EBF2: variants seen among roughly 807,000 people sequenced by gnomAD.
EBF2 encodes EBF transcription factor 2.
Under a neutral mutation model 72.8 loss-of-function variants are expected in EBF2, and 21 were observed. That is an observed-to-expected ratio of 0.29 (90% CI 0.20 to 0.42). EBF2 has a LOEUF of 0.42. Ranked by LOEUF, EBF2 falls within the 10% of genes least tolerant of loss-of-function variation. The pLI is 1.00. For synonymous variants in EBF2, 299 were observed against 274.2 expected, an observed-to-expected ratio of 1.09 and a Z score of -0.89; for missense variants, 637 against 731.2, an observed-to-expected ratio of 0.87 and a Z score of 1.49.
At chr8:26,041,116 G>A (rs1805592698) in intron 2 of EBF2, 114 bp from the exon 3 acceptor site, 2 of 1,228,828 alleles carry the variant, frequency 1.6e-6, no homozygotes, top group Admixed American at 4.0e-5. Flanking sequence ...AGGCAGCTTT[G>A]AGTAACCCCC....
intron 3 of EBF2, 46 bp from the exon 4 acceptor site, chr8:26,040,717 C>A: frequency 1.3e-6 from 2 of 1,547,490 alleles, no homozygotes; most frequent in Non-Finnish European, 1.7e-6. Flanking sequence ...AGAGCCCCTT[C>A]CGGGCACCCC....
chr8:25,885,729 A>G (rs9314311), intron 10 of EBF2, among the ~76,000 whole-genome samples: 73,415 of 152,028 alleles, frequency 0.48, 21,967 homozygotes, highest in African/African-American at 0.84. Context: ...CTCGTCTGTC[A>G]CCATGTAAGA....
At chr8:25,916,033 T>G (rs940674581) in intron 6 of EBF2, among the ~76,000 whole-genome samples, 2 of 151,932 alleles carry the variant, frequency 1.3e-5, no homozygotes, top group African/African-American at 4.8e-5. Flanking sequence ...ACATCTGTAA[T>G]CCTAGCACTT....
At chr8:25,897,175 G>T (rs17054546) in intron 7 of EBF2, among the ~76,000 whole-genome samples, 11,494 of 151,942 alleles carry the variant, frequency 0.076, 1,099 homozygotes, top group African/African-American at 0.22. Context: ...AAGGGACTGG[G>T]CATCAATGGC....
At chr8:25,847,214 G>A (rs1334523455) in intron 15 of EBF2, among the ~76,000 whole-genome samples, 1 of 152,138 alleles carries the variant, frequency 6.6e-6, no homozygotes, top group African/African-American at 2.4e-5. Flanking sequence ...AGTGTGGGCA[G>A]CATATGCCTT....
chr8:26,001,801 G>A (rs955638273), intron 6 of EBF2, among the ~76,000 whole-genome samples: 3 of 151,886 alleles, frequency 2.0e-5, no homozygotes, highest in East Asian at 1.9e-4. Flanking sequence ...TGCCCGCCTC[G>A]GCCTCCCAAA....
At chr8:25,985,311 C>T (rs1394229502) in intron 6 of EBF2, among the ~76,000 whole-genome samples, 1 of 152,182 alleles carries the variant, frequency 6.6e-6, no homozygotes, top group East Asian at 1.9e-4. Context: ...AGTGCCACAG[C>T]AGATTTCCTT....
At chr8:25,883,952 T>C (rs1802645690) in intron 10 of EBF2, among the ~76,000 whole-genome samples, 1 of 152,106 alleles carries the variant, frequency 6.6e-6, no homozygotes, top group Admixed American at 6.5e-5. Context: ...GTTCCTCCTG[T>C]CATCTTTAAT....
intron 6 of EBF2, among the ~76,000 whole-genome samples, chr8:25,977,884 C>G (rs947241546): frequency 6.6e-6 from 1 of 152,192 alleles, no homozygotes; most frequent in African/African-American, 2.4e-5. Context: ...TCTGTGATGC[C>G]CACAGAAGGG....
At position 26,030,430 on chromosome 8, in the gene EBF2, T is replaced by A. The variant is rs546774793; in HGVS notation, c.551+2655A>T. Among the ~76,000 whole-genome samples the A allele has an allele frequency of 1.6e-3, 181 of 116,366 alleles. 1 individual carries two copies. The highest frequency in any genetic ancestry group is 5.8e-3 in the African/African-American group (176 of 30,482). 76.3% of individuals were successfully genotyped at this position (116,366 alleles called of 152,430 possible). A position where few individuals can be genotyped will look rare whatever the true frequency, so the allele number is the denominator to read the frequency against. ...TCACACACCGGGGACTGTTGTGGGG[T>A]GGGGGAAGGGGGGAGGGAGAGCATT... On this transcript the variant is annotated intron_variant, in intron 6 of 15. Transcript: ENST00000520164.
At chr8:25,884,032 C>T (rs577310362) in intron 10 of EBF2, among the ~76,000 whole-genome samples, 1 of 152,252 alleles carries the variant, frequency 6.6e-6, no homozygotes, top group South Asian at 2.1e-4. Flanking sequence ...CTCCTCTGGT[C>T]CTGTGGCTTT....
rs766709308 is a variant in EBF2, at chr8:25,861,011, T to G, written c.1342+38A>C. ...TCCACTCCAGCAGAACTTTTTAAAT[T>G]AGACATATTTGGATTTTGACTCTAA... On this transcript the variant is annotated intron_variant, in intron 13 of 15. Coordinates refer to ENST00000520164, the MANE Select transcript of EBF2 (RefSeq NM_022659.4). The G allele has an allele frequency of 1.4e-5, 22 of 1,613,376 alleles. No individual in the cohort carries two copies. In the South Asian group the frequency reaches 1.9e-4, roughly 14 times the overall value.
rs1802143268 is a variant in EBF2, at chr8:25,858,517, G to A, written c.1343-13C>T. On this transcript the variant is annotated splice_polypyrimidine_tract_variant and intron_variant, in intron 13 of 15. Transcript: ENST00000520164. ...TTGCGGATGTACCCTTGGCAACAAA[G>A]AAAAAGCCCAGGTAAATCAACAGGC... 1 of 1,610,510 alleles carries A rather than the reference G, an allele frequency of 6.2e-7. No individual in the cohort carries two copies. Among genetic ancestry groups the A allele is most frequent in the Non-Finnish European group, 8.5e-7 (1 of 1,178,894 alleles).
chr8:25,987,924 T>C (rs1049399582), intron 6 of EBF2, among the ~76,000 whole-genome samples: 3 of 152,120 alleles, frequency 2.0e-5, no homozygotes, highest in African/African-American at 7.2e-5. Context: ...TTGTCATGTC[T>C]TGAGGAGATC....
At chr8:25,865,252 C>G (rs1385607657) in intron 10 of EBF2, among the ~76,000 whole-genome samples, 1 of 152,204 alleles carries the variant, frequency 6.6e-6, no homozygotes, top group African/African-American at 2.4e-5. Flanking sequence ...CCTCAGTAAA[C>G]TGTGCTGCTC....
intron 6 of EBF2, among the ~76,000 whole-genome samples, chr8:25,914,431 G>T (rs943209373): frequency 6.6e-6 from 1 of 152,182 alleles, no homozygotes; most frequent in Non-Finnish European, 1.5e-5. Flanking sequence ...AAGTGCCCTG[G>T]ATACATCTAT....
At chr8:25,922,624 G>A (rs1350545381) in intron 6 of EBF2, among the ~76,000 whole-genome samples, 1 of 152,140 alleles carries the variant, frequency 6.6e-6, no homozygotes, top group African/African-American at 2.4e-5. Flanking sequence ...AAAAGGCAGG[G>A]TAACAAAAAA....
chr8:25,883,838 A>G (rs1802643221), intron 10 of EBF2, among the ~76,000 whole-genome samples: 1 of 152,114 alleles, frequency 6.6e-6, no homozygotes, highest in South Asian at 2.1e-4. Context: ...CTCTACATGT[A>G]AACAGTGTCC....
At chr8:25,936,447 C>T (rs1449878581) in intron 6 of EBF2, among the ~76,000 whole-genome samples, 2 of 152,136 alleles carry the variant, frequency 1.3e-5, no homozygotes, top group African/African-American at 4.8e-5. Flanking sequence ...TTATGTGAGC[C>T]ACAGGATATA....
Sources: gnomAD v4.1 joint callset for allele counts (sites outside exome capture counted in the v4.1 genomes callset) on GRCh38, gnomAD v4.1.1 for gene constraint, MANE v1.5 for transcripts, NCBI Gene and HGNC (gene_info 2026-07-23, HGNC 2026-07-21) for gene names.